Variants in NIPBL observed in about 807,000 individuals in gnomAD.
The protein encoded by NIPBL is nipped-B-like protein.
Under a neutral mutation model 321.8 loss-of-function variants are expected in NIPBL, and 19 were observed. The ratio of observed to expected loss-of-function variants is 0.06; its 90% confidence interval spans 0.04 to 0.09. The LOEUF (loss-of-function observed/expected upper bound fraction) is 0.09, where lower values mean the gene tolerates loss of function less well. NIPBL is among the 10% of genes least tolerant of loss of function. NIPBL has a pLI of 1.00. For synonymous variants in NIPBL, 1,106 were observed against 1,114.1 expected (o/e 0.99, Z 0.14); for missense variants, 2,210 against 3,327.0 (o/e 0.66, Z 8.26).
intron 1 of NIPBL, among the ~76,000 whole-genome samples, chr5:36,884,164 A>G (rs558986074): frequency 1.3e-5 from 2 of 152,040 alleles, no homozygotes; most frequent in South Asian, 2.1e-4. Context: ...TTTTTTATGT[A>G]TCTCTTCCTT....
intron 34 of NIPBL, among the ~76,000 whole-genome samples, chr5:37,042,431 T>A (rs1752505970): frequency 6.6e-6 from 1 of 151,112 alleles, no homozygotes; most frequent in Non-Finnish European, 1.5e-5. Flanking sequence ...CGAGGCTCTG[T>A]GTCAAAAAAA....
intron 1 of NIPBL, among the ~76,000 whole-genome samples, chr5:36,878,028 G>A (rs1745225871): frequency 6.6e-6 from 1 of 152,178 alleles, no homozygotes; most frequent in African/African-American, 2.4e-5. Context: ...GCGACTATAC[G>A]TAAAACACTC....
At chr5:36,925,236 G>A (rs531203126) in intron 1 of NIPBL, among the ~76,000 whole-genome samples, 1 of 150,258 alleles carries the variant, frequency 6.7e-6, no homozygotes, top group African/African-American at 2.4e-5. Flanking sequence ...AATATTTATT[G>A]TCTTTTACAC....
chr5:36,917,276 T>G (rs2149552843), intron 1 of NIPBL, among the ~76,000 whole-genome samples: 1 of 152,350 alleles, frequency 6.6e-6, no homozygotes, highest in South Asian at 2.1e-4. Flanking sequence ...GTCTGTTGGC[T>G]GCATAAATGT....
chr5:36,963,134 A>G (rs1287313136), intron 6 of NIPBL, among the ~76,000 whole-genome samples: 4 of 152,116 alleles, frequency 2.6e-5, no homozygotes. Context: ...TTAAGGTTAT[A>G]TTGCCTGGAG....
intron 1 of NIPBL, among the ~76,000 whole-genome samples, chr5:36,910,073 T>TA (rs536210925): frequency 0.027 from 3,733 of 135,986 alleles, 82 homozygotes; most frequent in African/African-American, 0.065. Flanking sequence ...AGACTCAGTC[T>TA]AAAAAAAAAA....
At chr5:37,048,800 T>G in intron 39 of NIPBL, 125 bp downstream of exon 39, 1 of 816,272 alleles carries the variant, frequency 1.2e-6, no homozygotes, top group South Asian at 1.6e-5. Flanking sequence ...ATAGCAGTCC[T>G]TATGCTGAGG....
At chr5:36,902,684 C>T (rs1435926764) in intron 1 of NIPBL, among the ~76,000 whole-genome samples, 4 of 151,892 alleles carry the variant, frequency 2.6e-5, no homozygotes, top group Non-Finnish European at 4.4e-5. Flanking sequence ...TGTGATGCCT[C>T]TGGCTTTGTT....
chr5:36,942,147 C>T (rs1475559613), intron 1 of NIPBL, among the ~76,000 whole-genome samples: 2 of 151,704 alleles, frequency 1.3e-5, no homozygotes, highest in Non-Finnish European at 2.9e-5. Flanking sequence ...AATTTATTTT[C>T]CCTGGCCAGG....
rs578161079 is a variant in NIPBL at position 37,066,135 on chromosome 5, A to G, written c.*1243A>G. 1.3e-5 allele frequency: 2 copies of G among 152,200 alleles called. No individual in the cohort carries two copies. Among genetic ancestry groups the G allele is most frequent in the Admixed American group, 1.3e-4 (2 of 15,286 alleles). 9.4% of individuals were successfully genotyped at this position (152,200 alleles called of 1,614,324 possible). A position where few individuals can be genotyped will look rare whatever the true frequency, so the allele number is the denominator to read the frequency against. On this transcript the variant is annotated 3_prime_UTR_variant, in exon 47 of 47. Coordinates refer to ENST00000282516, the MANE Select transcript of NIPBL (RefSeq NM_133433.4). ...GTCATTTACACATTACTTACTGCAG[A>G]TATCTTGACTAAATCAGGAGGGAGG...
At chr5:37,003,412 A>C (rs964027880) in intron 16 of NIPBL, 65 bp downstream of exon 16, 2 of 887,796 alleles carry the variant, frequency 2.3e-6, no homozygotes, top group Admixed American at 3.8e-5. Flanking sequence ...GTAGTCCCCC[A>C]CTTCTCTATT....
chr5:36,885,721 C>A, intron 1 of NIPBL: 1 of 591,320 alleles, frequency 1.7e-6, no homozygotes, highest in Admixed American at 2.0e-5. Flanking sequence ...CAGAGCTGGC[C>A]ATGTGCCAGT....
At chr5:37,038,514 A>T in intron 33 of NIPBL, 88 bp from the exon 34 acceptor site, 4 of 1,220,202 alleles carry the variant, frequency 3.3e-6, no homozygotes, top group Non-Finnish European at 4.7e-6. Flanking sequence ...TATTTAGGGG[A>T]TAATATTAAG....
chr5:36,932,791 T>TTG (rs1455860252), intron 1 of NIPBL, among the ~76,000 whole-genome samples: 1 of 149,006 alleles, frequency 6.7e-6, no homozygotes, highest in African/African-American at 2.5e-5. Flanking sequence ...TTTTTTTTTT[T>TTG]TTTTTTTTTT....
chr5:36,976,127 C>T lies in NIPBL; in HGVS notation c.1220C>T (p.Pro407Leu). 6.2e-7 allele frequency: 1 copy of T among 1,613,944 alleles called. No homozygotes were observed. The highest frequency in any genetic ancestry group is 8.5e-7 in the Non-Finnish European group (1 of 1,179,908). The change falls in exon 9 of 47, where the codon CCA becomes CTA. Residue 407 changes from proline (P) to leucine (L), a missense_variant. This residue lies in a region of NIPBL where 464 missense variants were observed against 529.5 expected (regional missense o/e 0.88). Transcript: ENST00000282516. Reference sequence around the variant, plus strand: ...CAGACTTCAAAAACACCCATTACTCCACAAGATATAAACCGCCCACTAAAT... The same window carrying T: ...CAGACTTCAAAAACACCCATTACTCTACAAGATATAAACCGCCCACTAAAT... ...PGQTSKTPITPQDINRPLNAA... is the reference protein window; with the variant it reads ...PGQTSKTPITLQDINRPLNAA...
chr5:36,938,951 C>T (rs551859978), intron 1 of NIPBL, among the ~76,000 whole-genome samples: 1 of 152,192 alleles, frequency 6.6e-6, no homozygotes, highest in African/African-American at 2.4e-5. Flanking sequence ...ACTTACTATT[C>T]TATCACTGTA....
At chr5:36,980,225 A>G (rs1743979789) in intron 9 of NIPBL, among the ~76,000 whole-genome samples, 1 of 151,732 alleles carries the variant, frequency 6.6e-6, no homozygotes, top group Non-Finnish European at 1.5e-5. Context: ...TCAATTATCT[A>G]AATAGTTTTT....
Position 36,955,524 on chromosome 5 carries a change from C to T in NIPBL, c.117C>T (p.Ser39=), listed in dbSNP as rs1740839785. ...CTTTACCTGCTACAACTACAAAGAG[C>T]CTTCTCTTTAATGCACGAATAGCAG... ...PSPLPATTTK[S]LLFNARIAEE... Residue 39 remains serine, a synonymous_variant, in exon 3 of 47, where the codon AGC becomes AGT. Coordinates refer to ENST00000282516, the MANE Select transcript of NIPBL (RefSeq NM_133433.4). The T allele has an allele frequency of 6.2e-7, 1 of 1,613,500 alleles. No homozygotes were observed. Among genetic ancestry groups the T allele is most frequent in the African/African-American group, 1.3e-5 (1 of 74,902 alleles).
chr5:36,907,752 T>C (rs1474569432), intron 1 of NIPBL, among the ~76,000 whole-genome samples: 1 of 152,146 alleles, frequency 6.6e-6, no homozygotes, highest in African/African-American at 2.4e-5. Flanking sequence ...AAAACCTTAG[T>C]CTTCTCAGAA....
Sources: gnomAD v4.1 joint callset for allele counts (sites outside exome capture counted in the v4.1 genomes callset) on GRCh38, gnomAD v4.1.1 for gene constraint, gnomAD v4.1.1 regional missense constraint, MANE v1.5 for transcripts, NCBI Gene and HGNC (gene_info 2026-07-23, HGNC 2026-07-21) for gene names.